The following SULF2 variants were observed in gnomAD, a reference collection of about 807,000 sequenced individuals.
The protein encoded by SULF2 is extracellular sulfatase Sulf-2.
A neutral mutation model predicts 107.7 loss-of-function variants in SULF2; 52 were observed. That is an observed-to-expected ratio of 0.48 (90% CI 0.39 to 0.61). The LOEUF (loss-of-function observed/expected upper bound fraction) is 0.61, where lower values mean the gene tolerates loss of function less well. SULF2 is among the 20% of genes least tolerant of loss of function. The pLI, the probability that SULF2 is intolerant of heterozygous loss-of-function variation, is 0.00. For synonymous variants in SULF2, 460 were observed against 464.3 expected (o/e 0.99, Z 0.12); for missense variants, 993 against 1,177.3 (o/e 0.84, Z 2.29).
intron 1 of SULF2, among the ~76,000 whole-genome samples, chr20:47,780,253 G>A (rs1278142871): frequency 1.3e-5 from 2 of 152,250 alleles, no homozygotes; most frequent in East Asian, 3.9e-4. Flanking sequence ...CTGACCTCCA[G>A]TGATCTAACT....
chr20:47,736,616 G>T, intron 3 of SULF2, 87 bp downstream of exon 3: 1 of 1,546,468 alleles, frequency 6.5e-7, no homozygotes, highest in East Asian at 2.3e-5. Context: ...GAATCAACTT[G>T]GGTACCGCAG....
rs937527683 is a variant in SULF2 at position 47,694,599 on chromosome 20, G to C, written c.568-4304C>G. ...GCTGAGAAGCCACAGCTGGGACCCCGAGGTGCAACCGGCCCCCTCTGGCAA... is the reference window on the plus strand; with the variant it reads ...GCTGAGAAGCCACAGCTGGGACCCCCAGGTGCAACCGGCCCCCTCTGGCAA... On this transcript the variant is annotated intron_variant, in intron 4 of 20. Transcript: ENST00000688720. This position sits in a 1 kb window ranked among gnomAD's most constrained non-coding sequence, Gnocchi z 4.4. 2.0e-5 allele frequency among the ~76,000 whole-genome samples: 3 copies of C among 151,672 alleles called. No homozygotes were observed. The highest frequency in any genetic ancestry group is 2.9e-5 in the Non-Finnish European group (2 of 67,988).
intron 1 of SULF2, among the ~76,000 whole-genome samples, chr20:47,769,039 C>T (rs548626712): frequency 0.021 from 1,421 of 66,716 alleles, 11 homozygotes; most frequent in South Asian, 0.059. Flanking sequence ...CGCCACCATG[C>T]CTGCCTCATT....
chr20:47,664,019 CAGGGAAGGGCCTGGACTTCTT>C, intron 15 of SULF2, 90 bp downstream of exon 15: 1 of 1,205,996 alleles, frequency 8.3e-7, no homozygotes, highest in Non-Finnish European at 1.2e-6. Context: ...GTGGACTTCC[CAGGGAAGGGCCTGGACTTCTT>C]TCCTTTTCTT....
chr20:47,786,227 C>T (rs928495), upstream of SULF2: 15,480 of 152,206 alleles, frequency 0.1, 800 homozygotes, highest in South Asian at 0.18. Context: ...TTCAGGAGGG[C>T]CATCGATCAG....
rs1041518572 is a variant in SULF2, at chr20:47,727,824, G to A, written c.415+8879C>T. Among the ~76,000 whole-genome samples the A allele has an allele frequency of 9.3e-4, 141 of 152,214 alleles. 1 individual carries two copies. Among genetic ancestry groups the A allele is most frequent in the African/African-American group, 3.0e-3 (124 of 41,460 alleles). ...AGCTCAAGGTCACAAGGGCGCTTAAGGCGGAGTCTAATTCTTTAGACTCTT... is the reference window on the plus strand; with the variant it reads ...AGCTCAAGGTCACAAGGGCGCTTAAAGCGGAGTCTAATTCTTTAGACTCTT... On this transcript the variant is annotated intron_variant, in intron 3 of 20. Transcript: ENST00000688720.
chr20:47,761,341 C>T (rs998023362), intron 1 of SULF2, among the ~76,000 whole-genome samples: 1 of 152,190 alleles, frequency 6.6e-6, no homozygotes, highest in South Asian at 2.1e-4. Context: ...ACTCGGATTT[C>T]CCAACTCTTT....
At chr20:47,774,631 T>C (rs1376580113) in intron 1 of SULF2, among the ~76,000 whole-genome samples, 1 of 152,190 alleles carries the variant, frequency 6.6e-6, no homozygotes, top group African/African-American at 2.4e-5. Context: ...ACTTTCAAAG[T>C]CCATTCACTC....
chr20:47,768,483 G>A (rs907192226), intron 1 of SULF2, among the ~76,000 whole-genome samples: 1 of 152,208 alleles, frequency 6.6e-6, no homozygotes, highest in African/African-American at 2.4e-5. Flanking sequence ...AAATTGGGGG[G>A]CGGGCTGGAG....
chr20:47,779,597 T>C (rs1449733642), intron 1 of SULF2, among the ~76,000 whole-genome samples: 1 of 152,116 alleles, frequency 6.6e-6, no homozygotes, highest in Non-Finnish European at 1.5e-5. Flanking sequence ...CTCCAATGGT[T>C]CTCCATTTTA....
At chr20:47,769,384 G>T (rs2090587267) in intron 1 of SULF2, among the ~76,000 whole-genome samples, 1 of 145,778 alleles carries the variant, frequency 6.9e-6, no homozygotes, top group African/African-American at 2.6e-5. Flanking sequence ...TTTTAGTAGA[G>T]ACAGGGTTTC....
intron 3 of SULF2, among the ~76,000 whole-genome samples, chr20:47,720,412 C>T (rs376672505): frequency 1.3e-4 from 20 of 152,176 alleles, no homozygotes; most frequent in South Asian, 4.2e-4. Flanking sequence ...CACACCACCA[C>T]GCCCGGCTAA....
chr20:47,724,828 C>T lies in SULF2; in HGVS notation c.415+11875G>A, dbSNP rs535412984. Among the ~76,000 whole-genome samples the T allele has an allele frequency of 1.1e-4, 16 of 152,302 alleles. No homozygotes were observed. The South Asian group carries it at 3.3e-3, about 32-fold the overall frequency. On this transcript the variant is annotated intron_variant, in intron 3 of 20. Coordinates refer to ENST00000688720, the MANE Select transcript of SULF2 (RefSeq NM_001387048.1). ...GACACTACTTGCACCTTTCAAAGAG[C>T]TGTTCTCAGCGCCATCAGACTGACC... is the stretch of plus-strand genomic sequence containing the variant.
intron 3 of SULF2, among the ~76,000 whole-genome samples, chr20:47,728,975 T>G (rs1162381566): frequency 1.3e-5 from 2 of 152,022 alleles, no homozygotes; most frequent in African/African-American, 4.8e-5. Flanking sequence ...AACGAGACAA[T>G]CAATGAGACA....
intron 3 of SULF2, among the ~76,000 whole-genome samples, chr20:47,736,256 G>A (rs1045879996): frequency 3.9e-5 from 6 of 152,138 alleles, no homozygotes; most frequent in East Asian, 1.9e-4. Flanking sequence ...TTACTGCCAC[G>A]TAGAAAGCGA....
At chr20:47,780,479 T>C (rs2090810409) in intron 1 of SULF2, among the ~76,000 whole-genome samples, 1 of 152,108 alleles carries the variant, frequency 6.6e-6, no homozygotes, top group Non-Finnish European at 1.5e-5. Flanking sequence ...AGTTCAAAGG[T>C]CACATCCTCA....
chr20:47,781,251 A>ATGGG (rs1395326243), intron 1 of SULF2, among the ~76,000 whole-genome samples: 1 of 152,242 alleles, frequency 6.6e-6, no homozygotes, highest in Non-Finnish European at 1.5e-5. Context: ...CAAAATGAAG[A>ATGGG]TGGGTCCATC....
chr20:47,684,529 A>G lies in SULF2; in HGVS notation c.790T>C (p.Tyr264His), dbSNP rs1568812280. 1 of 1,614,112 alleles carries G rather than the reference A, an allele frequency of 6.2e-7. No individual in the cohort carries two copies. The highest frequency in any genetic ancestry group is 8.5e-7 in the Non-Finnish European group (1 of 1,179,988). Residue 264 changes from tyrosine to histidine, a missense_variant, in exon 6 of 21, where the codon TAC becomes CAC. By Grantham distance (83) the Tyr-to-His change is moderately conservative. This residue lies in a region of SULF2 where 388 missense variants were observed against 449.2 expected (regional missense o/e 0.86). Coordinates refer to ENST00000688720, the MANE Select transcript of SULF2 (RefSeq NM_001387048.1). ...PNPDKHWIMR[Y>H]TGPMKPIHME... ...TGGATGGGCTTCATGGGCCCCGTGT[A>G]GCGCATGATCCAGTGTTTGTCCGGG...
intron 8 of SULF2, among the ~76,000 whole-genome samples, chr20:47,677,692 C>T (rs753557593): frequency 3.9e-5 from 6 of 152,234 alleles, no homozygotes; most frequent in Non-Finnish European, 5.9e-5. Context: ...CCAGTGCCAC[C>T]TGGTCATTTC....
Sources: allele counts gnomAD v4.1 joint callset (sites outside exome capture counted in the v4.1 genomes callset), GRCh38; gene constraint gnomAD v4.1.1; regional missense constraint gnomAD v4.1.1; non-coding constraint Gnocchi (gnomAD v3.1); transcripts MANE v1.5; gene names NCBI Gene and HGNC (gene_info 2026-07-23, HGNC 2026-07-21).